The following SEMA5B variants were observed in gnomAD, a reference collection of about 807,000 sequenced individuals.
The protein encoded by SEMA5B is semaphorin-5B.
In SEMA5B, 66 loss-of-function variants were observed where a neutral mutation model predicts 135.0. The ratio of observed to expected loss-of-function variants is 0.49; its 90% confidence interval spans 0.40 to 0.60. The LOEUF (loss-of-function observed/expected upper bound fraction) is 0.60, where lower values mean the gene tolerates loss of function less well. Ranked by LOEUF, SEMA5B falls within the 20% of genes least tolerant of loss-of-function variation. SEMA5B has a pLI of 0.00. For missense variants in SEMA5B, 1,501 were observed against 1,566.3 expected, an observed-to-expected ratio of 0.96 and a Z score of 0.70; for synonymous variants, 690 against 639.5, an observed-to-expected ratio of 1.08 and a Z score of -1.19.
intron 1 of SEMA5B, among the ~76,000 whole-genome samples, chr3:122,978,387 G>A (rs983038496): frequency 2.0e-5 from 3 of 152,308 alleles, no homozygotes; most frequent in Non-Finnish European, 4.4e-5. Context: ...GAGGCGGGGC[G>A]TAGGGCCACA....
Position 122,913,530 on chromosome 3 carries a change from T to G in SEMA5B, c.2280+4A>C. On this transcript the variant is annotated splice_donor_region_variant and intron_variant, in intron 16 of 22. Coordinates refer to ENST00000357599, the MANE Select transcript of SEMA5B (RefSeq NM_001031702.4). Reference sequence around the variant, plus strand: ...CGCCCCTGGCCCACGGCCCCAACCCTCACCACGCCGCAGCCCAGGCAGGAG... The same window carrying G: ...CGCCCCTGGCCCACGGCCCCAACCCGCACCACGCCGCAGCCCAGGCAGGAG... The G allele has an allele frequency of 2.5e-6, 4 of 1,609,664 alleles. No individual in the cohort carries two copies. The highest frequency in any genetic ancestry group is 3.4e-6 in the Non-Finnish European group (4 of 1,179,020).
At chr3:122,944,147 G>A (rs72970525) in intron 3 of SEMA5B, among the ~76,000 whole-genome samples, 2,291 of 152,268 alleles carry the variant, frequency 0.015, 55 homozygotes, top group African/African-American at 0.053. Flanking sequence ...GTCCTCCCAA[G>A]TCCAGTGCCT....
At chr3:123,010,407 A>G (rs1021992534) in intron 1 of SEMA5B, among the ~76,000 whole-genome samples, 17 of 152,350 alleles carry the variant, frequency 1.1e-4, no homozygotes, top group Middle Eastern at 3.4e-3. Context: ...TAATGTACAG[A>G]AGGCATTAAA....
intron 1 of SEMA5B, among the ~76,000 whole-genome samples, chr3:122,982,143 TCTC>T (rs1174689983): frequency 6.6e-6 from 1 of 152,158 alleles, no homozygotes; most frequent in African/African-American, 2.4e-5. Context: ...TCTCTTGACT[TCTC>T]ATGTCCCATG....
chr3:123,001,397 G>GT (rs529042878), intron 1 of SEMA5B, among the ~76,000 whole-genome samples: 126 of 152,212 alleles, frequency 8.3e-4, no homozygotes, highest in Admixed American at 2.2e-3. Context: ...GACCTCCACT[G>GT]TTTTTTTAAA....
At chr3:122,923,317 T>C (rs1011858803) in intron 10 of SEMA5B, among the ~76,000 whole-genome samples, 1 of 152,210 alleles carries the variant, frequency 6.6e-6, no homozygotes, top group African/African-American at 2.4e-5. Context: ...TGTGTAGTGC[T>C]TTCCTGGTCC....
At chr3:122,983,513 TG>T (rs1228993710) in intron 1 of SEMA5B, among the ~76,000 whole-genome samples, 1 of 151,460 alleles carries the variant, frequency 6.6e-6, no homozygotes, top group Non-Finnish European at 1.5e-5. Flanking sequence ...AAGCTACTTT[TG>T]GGGGAGCACA....
intron 20 of SEMA5B, 60 bp from the exon 21 acceptor site, chr3:122,911,595 A>C: frequency 6.5e-7 from 1 of 1,539,968 alleles, no homozygotes; most frequent in Admixed American, 1.8e-5. Context: ...GGGGCCCTGC[A>C]GGGTAGGCGT....
At chr3:122,979,486 T>C (rs1941449872) in intron 1 of SEMA5B, among the ~76,000 whole-genome samples, 1 of 152,196 alleles carries the variant, frequency 6.6e-6, no homozygotes. Flanking sequence ...TTACTTTCAT[T>C]TGTGCTACAG....
intron 1 of SEMA5B, among the ~76,000 whole-genome samples, chr3:122,969,482 T>C (rs557593856): frequency 4.1e-4 from 63 of 152,352 alleles, no homozygotes; most frequent in African/African-American, 1.5e-3. Context: ...CCGTGCTGTG[T>C]CCTGGATGCA....
intron 3 of SEMA5B, 139 bp from the exon 4 acceptor site, chr3:122,943,674 C>A: frequency 1.6e-6 from 1 of 622,382 alleles, no homozygotes. Flanking sequence ...GCCACCTGCC[C>A]ACCTCTGTGT....
intron 6 of SEMA5B, 69 bp downstream of exon 6, chr3:122,928,927 C>T: frequency 1.3e-6 from 2 of 1,485,416 alleles, no homozygotes; most frequent in Non-Finnish European, 1.9e-6. Flanking sequence ...CACAGTGCTG[C>T]TCCATCCCCA....
intron 1 of SEMA5B, among the ~76,000 whole-genome samples, chr3:122,967,403 GA>G: frequency 6.6e-6 from 1 of 152,174 alleles, no homozygotes; most frequent in East Asian, 1.9e-4. Context: ...AGGAGAGAAA[GA>G]GTAGCAGGTG....
At chr3:122,918,726 G>A (rs184189066) in intron 12 of SEMA5B, among the ~76,000 whole-genome samples, 12 of 152,320 alleles carry the variant, frequency 7.9e-5, no homozygotes, top group Admixed American at 5.2e-4. Flanking sequence ...CTGGCAGCCT[G>A]AGGGGACCCC....
chr3:122,968,695 C>T (rs1483369449), intron 1 of SEMA5B, among the ~76,000 whole-genome samples: 1 of 152,168 alleles, frequency 6.6e-6, no homozygotes, highest in East Asian at 1.9e-4. Context: ...CCTCCAGGCA[C>T]CAGGCAAGAC....
intron 16 of SEMA5B, 38 bp downstream of exon 16, chr3:122,913,496 C>T (rs1183149976): frequency 1.3e-6 from 2 of 1,596,232 alleles, no homozygotes; most frequent in Non-Finnish European, 1.7e-6. Flanking sequence ...GCTCCAGTAC[C>T]CTACACCGCG....
intron 1 of SEMA5B, among the ~76,000 whole-genome samples, chr3:122,979,364 G>A (rs936628771): frequency 6.6e-6 from 1 of 152,190 alleles, no homozygotes; most frequent in Admixed American, 6.5e-5. Context: ...CAAGCAGCCC[G>A]CCATCCACGA....
chr3:122,950,498 A>G (rs1216495057), intron 2 of SEMA5B, among the ~76,000 whole-genome samples: 1 of 152,260 alleles, frequency 6.6e-6, no homozygotes, highest in Non-Finnish European at 1.5e-5. Context: ...ACAACTCCAC[A>G]GTCACAGAAA....
chr3:123,020,189 C>A (rs1170452356), intron 1 of SEMA5B, among the ~76,000 whole-genome samples: 1 of 152,128 alleles, frequency 6.6e-6, no homozygotes, highest in Admixed American at 6.5e-5. Flanking sequence ...ATTTAAATGT[C>A]CAACCACGGG....
Sources: allele counts gnomAD v4.1 joint callset (sites outside exome capture counted in the v4.1 genomes callset), GRCh38; gene constraint gnomAD v4.1.1; transcripts MANE v1.5; gene names NCBI Gene and HGNC (gene_info 2026-07-23, HGNC 2026-07-21).